ZNF420: variants seen among roughly 807,000 people sequenced by gnomAD.
The protein encoded by ZNF420 is ATM and p53-associated KZNF protein.
Under a neutral mutation model 44.7 loss-of-function variants are expected in ZNF420, and 31 were observed. The observed-to-expected ratio is 0.69, with a 90% CI of 0.52 to 0.94. The LOEUF (loss-of-function observed/expected upper bound fraction) is 0.94. Among genes scored for constraint, ZNF420 ranks in the 40% least tolerant of loss-of-function variants. The pLI, the probability that ZNF420 is intolerant of heterozygous loss-of-function variation, is 0.00. For synonymous variants in ZNF420, 245 were observed against 267.4 expected (o/e 0.92, Z 0.82); for missense variants, 681 against 827.9 (o/e 0.82, Z 2.18).
At chr19:37,042,246 C>T (rs1568427326) in intron 1 of ZNF420, among the ~76,000 whole-genome samples, 1 of 152,252 alleles carries the variant, frequency 6.6e-6, no homozygotes, top group Non-Finnish European at 1.5e-5. Context: ...ATCCACCTGC[C>T]TCAGCCTCCC....
intron 2 of ZNF420, among the ~76,000 whole-genome samples, chr19:37,088,227 A>G (rs893955954): frequency 2.0e-5 from 3 of 152,198 alleles, no homozygotes; most frequent in Admixed American, 2.0e-4. Flanking sequence ...ATTGTCTGTG[A>G]TTTGCAAAAT....
intron 1 of ZNF420, among the ~76,000 whole-genome samples, chr19:37,012,760 A>ATGTGTGTGTGTGTGTGTGTGTG (rs780627236): frequency 9.8e-6 from 1 of 101,938 alleles, no homozygotes; most frequent in Non-Finnish European, 2.0e-5. Flanking sequence ...CCACTGCTAT[A>ATGTGTGTGTGTGTGTGTGTGTG]TGTCTCTGTG....
At chr19:37,085,574 T>TA (rs1968711912) in intron 2 of ZNF420, among the ~76,000 whole-genome samples, 3 of 152,194 alleles carry the variant, frequency 2.0e-5, no homozygotes, top group Non-Finnish European at 4.4e-5. Context: ...CCAGCCATGC[T>TA]GTTATGCGTG....
At chr19:37,124,323 C>A (rs533483675) in intron 4 of ZNF420, among the ~76,000 whole-genome samples, 1 of 152,310 alleles carries the variant, frequency 6.6e-6, no homozygotes, top group African/African-American at 2.4e-5. Context: ...GAGTAATGTT[C>A]CAGTACCTGG....
chr19:37,029,054 C>T (rs1381263831), intron 1 of ZNF420, among the ~76,000 whole-genome samples: 1 of 152,320 alleles, frequency 6.6e-6, no homozygotes, highest in African/African-American at 2.4e-5. Flanking sequence ...ATCGATGCAG[C>T]AACCTTTTAC....
chr19:37,110,478 T>C (rs548440993), intron 4 of ZNF420, among the ~76,000 whole-genome samples: 1 of 152,352 alleles, frequency 6.6e-6, no homozygotes, highest in African/African-American at 2.4e-5. Flanking sequence ...TTCATTTGCT[T>C]TAGTCAAAGG....
rs1969111621 is a variant in ZNF420, at chr19:37,091,035, AG to A, written c.52del (p.Glu18LysfsTer17). 6.2e-7 allele frequency: 1 copy of A among 1,613,462 alleles called. No individual in the cohort carries two copies. Among genetic ancestry groups the A allele is most frequent in the African/African-American group, 1.3e-5 (1 of 74,886 alleles). On this transcript the variant is annotated frameshift_variant, in exon 4 of 5. Coordinates refer to ENST00000337995, the MANE Select transcript of ZNF420 (RefSeq NM_144689.5). LOFTEE classifies it high-confidence loss of function. ...AGGGATGTTGCCATTGACTTCTCTC[AG>A]GAAGAGTGGGAATGCCTGGACTCTG... Reference protein sequence around the residue: ...MFRDVAIDFSQEEWECLDSAQ... With the variant: ...MFRDVAIDFSXEEWECLDSAQ...
chr19:37,032,398 C>T (rs1023152641), intron 1 of ZNF420, among the ~76,000 whole-genome samples: 6 of 150,206 alleles, frequency 4.0e-5, no homozygotes, highest in African/African-American at 1.2e-4. Flanking sequence ...CCAGGTACTT[C>T]GGAGGCTGAG....
intron 4 of ZNF420, among the ~76,000 whole-genome samples, chr19:37,125,483 C>T (rs1175036029): frequency 6.6e-6 from 1 of 152,174 alleles, no homozygotes; most frequent in African/African-American, 2.4e-5. Flanking sequence ...TCACTGGTTT[C>T]TAGGCATGTA....
Position 37,044,783 on chromosome 19 carries a change from C to T in ZNF420, c.-124-35562C>T, listed in dbSNP as rs529218412. ...GGCAGAGTTTGCAATGAGCCGAGAT[C>T]GCACCATTGCACTCCAGCCAAACTA... is the stretch of plus-strand genomic sequence containing the variant. On this transcript the variant is annotated intron_variant, in intron 1 of 4. Transcript: ENST00000587029. Among the ~76,000 whole-genome samples, 172 of 152,122 alleles carry T rather than the reference C, an allele frequency of 1.1e-3. 1 individual carries two copies. The highest frequency in any genetic ancestry group is 3.7e-3 in the African/African-American group (154 of 41,510).
intron 1 of ZNF420, among the ~76,000 whole-genome samples, chr19:37,045,115 T>C (rs944986792): frequency 6.6e-6 from 1 of 152,212 alleles, no homozygotes; most frequent in African/African-American, 2.4e-5. Flanking sequence ...CTAAGTTTTT[T>C]CTGTTTGCTT....
intron 1 of ZNF420, among the ~76,000 whole-genome samples, chr19:37,053,593 C>G (rs1003560668): frequency 2.6e-5 from 4 of 152,240 alleles, no homozygotes; most frequent in Non-Finnish European, 5.9e-5. Context: ...GGACCCTCAG[C>G]TGCAGGTCTG....
intron 4 of ZNF420, among the ~76,000 whole-genome samples, chr19:37,107,962 A>G (rs1044914006): frequency 1.1e-4 from 16 of 151,178 alleles, no homozygotes; most frequent in Non-Finnish European, 2.2e-4. Context: ...CTCATTATAA[A>G]CTCCAGGTGT....
intron 2 of ZNF420, among the ~76,000 whole-genome samples, chr19:37,084,988 G>C (rs1219753576): frequency 6.6e-6 from 1 of 151,950 alleles, no homozygotes; most frequent in Non-Finnish European, 1.5e-5. Flanking sequence ...TGTGGATTTT[G>C]TGCTTATTTT....
chr19:37,050,623 A>G (rs1383960753), intron 1 of ZNF420, among the ~76,000 whole-genome samples: 8 of 152,174 alleles, frequency 5.3e-5, no homozygotes, highest in African/African-American at 1.9e-4. Flanking sequence ...GGCTGAGACA[A>G]TGGGGTTTTC....
intron 1 of ZNF420, among the ~76,000 whole-genome samples, chr19:37,019,591 A>G (rs1329357358): frequency 1.3e-5 from 2 of 151,906 alleles, no homozygotes; most frequent in Non-Finnish European, 2.9e-5. Flanking sequence ...CCTGGCCAAC[A>G]TGGTGAAACC....
chr19:37,022,689 T>C (rs2074658348), intron 1 of ZNF420, among the ~76,000 whole-genome samples: 1 of 152,088 alleles, frequency 6.6e-6, no homozygotes, highest in Non-Finnish European at 1.5e-5. Context: ...TTCTAGATAG[T>C]GTTCCATGTT....
chr19:37,114,483 A>C (rs1223034806), intron 4 of ZNF420, among the ~76,000 whole-genome samples: 1 of 152,132 alleles, frequency 6.6e-6, no homozygotes, highest in Non-Finnish European at 1.5e-5. Flanking sequence ...CCTGCATTTG[A>C]GGTTGTAATG....
At chr19:37,111,793 GC>G (rs760441761) in intron 4 of ZNF420, 1 of 152,020 alleles carries the variant, frequency 6.6e-6, no homozygotes, top group Non-Finnish European at 1.5e-5. Flanking sequence ...TCACAATCCT[GC>G]TCCACCAGAG....
Sources: allele counts gnomAD v4.1 joint callset (sites outside exome capture counted in the v4.1 genomes callset), GRCh38; gene constraint gnomAD v4.1.1; transcripts MANE v1.5; gene names NCBI Gene and HGNC (gene_info 2026-07-23, HGNC 2026-07-21).